ABCB11: variants seen among roughly 807,000 people sequenced by gnomAD.
ABCB11 encodes the protein ATP binding cassette subfamily B member 11, also known as bile salt export pump.
In ABCB11, 95 loss-of-function variants were observed where a neutral mutation model predicts 148.0. That is an observed-to-expected ratio of 0.64 (90% CI 0.54 to 0.76). ABCB11 has a LOEUF of 0.76. ABCB11 is among the 30% of genes least tolerant of loss of function. The probability of loss-of-function intolerance (pLI) is 0.00; values close to 1 mark genes in which losing one functional copy is unlikely to be tolerated. For synonymous variants in ABCB11, 591 were observed against 555.4 expected (o/e 1.06, Z -0.90); for missense variants, 1,523 against 1,617.8 (o/e 0.94, Z 1.01).
chr2:168,922,646 G>A lies in ABCB11; in HGVS notation c.*976C>T, dbSNP rs478333. ...TTCTGGCTCCCAAGATTTTGCAGGT[G>A]GCATCACTGTGTTTTCTTCATTCTT... On this transcript the variant is annotated 3_prime_UTR_variant, in exon 28 of 28. Coordinates refer to ENST00000650372, the MANE Select transcript of ABCB11 (RefSeq NM_003742.4). Among the ~76,000 whole-genome samples, 71,379 of 151,936 alleles carry A rather than the reference G, an allele frequency of 0.47. 18,262 individuals are homozygous for A. Among genetic ancestry groups the A allele is most frequent in the South Asian group, 0.65 (3,145 of 4,814 alleles).
chr2:168,970,080 C>T lies in ABCB11; in HGVS notation c.1774G>A (p.Glu592Lys). 2 of 1,612,784 alleles carry T rather than the reference C, an allele frequency of 1.2e-6. No homozygotes were observed. Among genetic ancestry groups the T allele is most frequent in the East Asian group, 2.2e-5 (1 of 44,802 alleles). ...LDMATSALDN[E>K]SEAMVQEVLS... ...ACTTCTTGCACCATGGCTTCACTCT[C>T]ATTGTCCAGAGCTGAGGTGGCCATG... Residue 592 changes from glutamate to lysine, a missense_variant, in exon 15 of 28, where the codon GAG becomes AAG. Glu to Lys is a moderately conservative substitution (Grantham distance 56). Transcript: ENST00000650372.
chr2:169,024,605 A>G (rs1183871819), intron 1 of ABCB11, among the ~76,000 whole-genome samples: 1 of 152,198 alleles, frequency 6.6e-6, no homozygotes, highest in Non-Finnish European at 1.5e-5. Context: ...ATATTGATAC[A>G]TTATTATTAG....
intron 21 of ABCB11, among the ~76,000 whole-genome samples, chr2:168,943,086 A>G (rs993608319): frequency 1.3e-5 from 2 of 151,984 alleles, no homozygotes; most frequent in African/African-American, 4.8e-5. Flanking sequence ...TTTTAAAAAG[A>G]TAAGTGTTTT....
At chr2:168,990,330 T>G (rs1694469055) in intron 9 of ABCB11, among the ~76,000 whole-genome samples, 1 of 152,136 alleles carries the variant, frequency 6.6e-6, no homozygotes, top group South Asian at 2.1e-4. Context: ...TCTCCGTGAT[T>G]CAACCTTGGC....
intron 12 of ABCB11, 65 bp from the exon 13 acceptor site, chr2:168,973,905 ACAGGTG>A (rs1361171655): frequency 1.3e-6 from 2 of 1,572,478 alleles, no homozygotes; most frequent in African/African-American, 2.7e-5. Flanking sequence ...CAATTAGGCT[ACAGGTG>A]CAGATGCTTT....
chr2:168,984,772 G>A (rs1414327229), intron 10 of ABCB11, among the ~76,000 whole-genome samples: 4 of 152,022 alleles, frequency 2.6e-5, no homozygotes, highest in Admixed American at 1.3e-4. Flanking sequence ...CAATTCAAAT[G>A]TTTAGCATCC....
intron 17 of ABCB11, 40 bp from the exon 18 acceptor site, chr2:168,964,348 C>A (rs1185097721): frequency 6.7e-7 from 1 of 1,482,296 alleles, no homozygotes; most frequent in Non-Finnish European, 9.2e-7. Context: ...TAGACTGTGG[C>A]CAGATTGGAG....
intron 5 of ABCB11, among the ~76,000 whole-genome samples, chr2:168,999,902 G>C (rs774778265): frequency 6.6e-6 from 1 of 152,082 alleles, no homozygotes; most frequent in Non-Finnish European, 1.5e-5. Flanking sequence ...TTACTAAACT[G>C]TTTTCCAGGA....
intron 21 of ABCB11, among the ~76,000 whole-genome samples, chr2:168,943,792 G>T (rs201493819): frequency 1.5e-4 from 23 of 151,870 alleles, no homozygotes; most frequent in South Asian, 6.2e-4. Context: ...AGTCCAGTGA[G>T]TTTTTTCTTC....
chr2:169,001,513 C>T (rs1448330124), intron 5 of ABCB11, among the ~76,000 whole-genome samples: 1 of 152,046 alleles, frequency 6.6e-6, no homozygotes, highest in Admixed American at 6.6e-5. Context: ...AGTCAGGCCT[C>T]CCACATATTC....
intron 21 of ABCB11, among the ~76,000 whole-genome samples, chr2:168,937,168 C>T (rs1464808133): frequency 1.3e-5 from 2 of 152,150 alleles, no homozygotes; most frequent in Non-Finnish European, 2.9e-5. Flanking sequence ...ATTGCAGGCA[C>T]GAGCCATCAC....
chr2:168,972,000 T>C lies in ABCB11; in HGVS notation c.1485A>G (p.Arg495=), dbSNP rs2105964231. 1.2e-6 allele frequency: 2 copies of C among 1,612,928 alleles called. No individual in the cohort carries two copies. The highest frequency in any genetic ancestry group is 1.7e-6 in the Non-Finnish European group (2 of 1,179,352). ...DIRSLNIQWL[R]DQIGIVEQEP... is the part of the protein sequence containing the mutation. ...CTTGCTCCACTATCCCAATCTGATCTCTAAGCCACTGAATGTTAAGAGAGC... is the reference window on the plus strand; with the variant it reads ...CTTGCTCCACTATCCCAATCTGATCCCTAAGCCACTGAATGTTAAGAGAGC... Residue 495 remains arginine (R), a synonymous_variant, in exon 14 of 28, where the codon AGA becomes AGG. Coordinates refer to ENST00000650372, the MANE Select transcript of ABCB11 (RefSeq NM_003742.4).
At chr2:168,975,081 A>G (rs1191272113) in intron 12 of ABCB11, among the ~76,000 whole-genome samples, 2 of 125,834 alleles carry the variant, frequency 1.6e-5, no homozygotes, top group Admixed American at 8.2e-5. Context: ...ATATATAAAT[A>G]TTTTTATATT....
At chr2:168,970,399 A>G (rs1339112778) in intron 14 of ABCB11, 184 bp from the exon 15 acceptor site, 2 of 1,460,540 alleles carry the variant, frequency 1.4e-6, no homozygotes, top group Non-Finnish European at 1.8e-6. Context: ...TTATGTGTGA[A>G]ATAAAGGAAT....
chr2:168,977,429 C>T (rs1202884528), intron 11 of ABCB11, among the ~76,000 whole-genome samples: 2 of 151,950 alleles, frequency 1.3e-5, no homozygotes, highest in Non-Finnish European at 2.9e-5. Context: ...CAAATGCTAC[C>T]AACTTTCAAT....
chr2:168,992,344 G>A (rs1694556390), intron 8 of ABCB11, among the ~76,000 whole-genome samples: 1 of 151,986 alleles, frequency 6.6e-6, no homozygotes, highest in South Asian at 2.1e-4. Context: ...GTTGAAATGT[G>A]GCCTATGATC....
At chr2:168,976,776 G>T in intron 11 of ABCB11, 89 bp from the exon 12 acceptor site, 1 of 751,894 alleles carries the variant, frequency 1.3e-6, no homozygotes, top group Non-Finnish European at 2.3e-6. Flanking sequence ...AACATCTTTG[G>T]CGTATCTCTG....
At chr2:168,928,960 T>A (rs773665585) in intron 25 of ABCB11, among the ~76,000 whole-genome samples, 3 of 152,224 alleles carry the variant, frequency 2.0e-5, no homozygotes, top group Non-Finnish European at 4.4e-5. Context: ...GCTTGTTTCC[T>A]TGCTTTGCTT....
intron 5 of ABCB11, among the ~76,000 whole-genome samples, chr2:169,000,136 C>T (rs1359893998): frequency 6.6e-6 from 1 of 152,052 alleles, no homozygotes; most frequent in Non-Finnish European, 1.5e-5. Context: ...TTTTTCCCAT[C>T]TTTGAACTGA....
Sources: gnomAD v4.1 joint callset for allele counts (sites outside exome capture counted in the v4.1 genomes callset) on GRCh38, gnomAD v4.1.1 for gene constraint, MANE v1.5 for transcripts, NCBI Gene and HGNC (gene_info 2026-07-23, HGNC 2026-07-21) for gene names.